SH3KBP1: variants seen among roughly 807,000 people sequenced by gnomAD.
SH3KBP1 encodes the protein SH3 domain containing kinase binding protein 1.
Under a neutral mutation model 50.1 loss-of-function variants are expected in SH3KBP1, and 8 were observed. The observed-to-expected ratio is 0.16, with a 90% CI of 0.09 to 0.29. SH3KBP1 has a LOEUF of 0.29. Ranked by LOEUF, SH3KBP1 falls within the 10% of genes least tolerant of loss-of-function variation. The probability of loss-of-function intolerance (pLI) is 1.00; values close to 1 mark genes in which losing one functional copy is unlikely to be tolerated. For missense variants in SH3KBP1, 377 were observed against 535.2 expected, an observed-to-expected ratio of 0.70 and a Z score of 2.92; for synonymous variants, 227 against 218.6, an observed-to-expected ratio of 1.04 and a Z score of -0.34.
At chrX:19,758,772 T>C (rs1320352979) in intron 2 of SH3KBP1, among the ~76,000 whole-genome samples, 1 of 111,383 alleles carries the variant, frequency 9.0e-6, no homozygotes, top group Admixed American at 9.5e-5. Context: ...ACAGCTTTGA[T>C]GATGAGTAAG....
chrX:19,692,624 CGTGTGTGTGTGTGT>C lies in SH3KBP1; in HGVS notation c.520+2974_520+2987del, dbSNP rs534431997. Among the ~76,000 whole-genome samples the C allele has an allele frequency of 3.1e-3, 214 of 68,677 alleles. 4 individuals are homozygous for C. Among genetic ancestry groups the C allele is most frequent in the Middle Eastern group, 0.016 (2 of 123 alleles). 59.6% of individuals were successfully genotyped at this position (68,677 alleles called of 115,157 possible). ...ATATACATATACACATATATACATACGTGTGTGTGTGTGTGTGTGTGTGTGTGTGTGTGTGTGTG... is the reference window on the plus strand; with the variant it reads ...ATATACATATACACATATATACATACGTGTGTGTGTGTGTGTGTGTGTGTG... On this transcript the variant is annotated intron_variant, in intron 5 of 17. Transcript: ENST00000397821.
intron 1 of SH3KBP1, among the ~76,000 whole-genome samples, chrX:19,855,315 A>T (rs1046473633): frequency 8.9e-6 from 1 of 112,084 alleles, no homozygotes; most frequent in East Asian, 2.8e-4. Context: ...TCAGATAGTA[A>T]GTATTTCAGC....
intron 2 of SH3KBP1, among the ~76,000 whole-genome samples, chrX:19,832,722 A>G (rs919606078): frequency 1.8e-5 from 2 of 111,395 alleles, no homozygotes; most frequent in Admixed American, 9.4e-5. Context: ...AGCCCATGGG[A>G]AGCCACAGGA....
At chrX:19,666,387 G>C (rs1228450588) in intron 6 of SH3KBP1, among the ~76,000 whole-genome samples, 1 of 110,901 alleles carries the variant, frequency 9.0e-6, no homozygotes, top group East Asian at 2.8e-4. Flanking sequence ...GCCAGTCCTG[G>C]TCACCATTAA....
intron 13 of SH3KBP1, among the ~76,000 whole-genome samples, chrX:19,563,461 A>C (rs5955817): frequency 0.29 from 32,560 of 111,076 alleles, 4,397 homozygotes; most frequent in African/African-American, 0.53. Context: ...CGCCTCTGTA[A>C]GTTCGAGGAA....
At position 19,860,460 on chromosome X, in the gene SH3KBP1, G is replaced by T. The variant is rs562212659; in HGVS notation, c.5-24178C>A. ...AGTACAAGTGTGATTACCAGGGACT[G>T]GGGGGAGGGGGAATGAAAAGTAACT... On this transcript the variant is annotated intron_variant, in intron 1 of 17. Coordinates refer to ENST00000397821, the MANE Select transcript of SH3KBP1 (RefSeq NM_031892.3). Among the ~76,000 whole-genome samples, 131 of 110,725 alleles carry T rather than the reference G, an allele frequency of 1.2e-3. 2 individuals carry two copies. The South Asian group carries it at 0.047, about 40-fold the overall frequency.
intron 2 of SH3KBP1, among the ~76,000 whole-genome samples, chrX:19,834,856 C>T (rs920835615): frequency 9.2e-6 from 1 of 109,139 alleles, no homozygotes; most frequent in South Asian, 3.9e-4. Flanking sequence ...ATGGTGAAAC[C>T]CCATCTCTAC....
At chrX:19,829,019 C>T (rs765032214) in intron 2 of SH3KBP1, among the ~76,000 whole-genome samples, 5 of 111,464 alleles carry the variant, frequency 4.5e-5, no homozygotes, top group Admixed American at 9.5e-5. Context: ...CACAACTTTA[C>T]ACAGAGAAAA....
intron 3 of SH3KBP1, among the ~76,000 whole-genome samples, chrX:19,713,985 C>T (rs2063841069): frequency 8.9e-6 from 1 of 112,097 alleles, no homozygotes; most frequent in African/African-American, 3.2e-5. Flanking sequence ...GGTACATATA[C>T]CCAATGGAAT....
intron 1 of SH3KBP1, among the ~76,000 whole-genome samples, chrX:19,885,391 G>C (rs1381835105): frequency 9.0e-6 from 1 of 111,714 alleles, no homozygotes; most frequent in African/African-American, 3.3e-5. Context: ...CATTCGTTTT[G>C]ACATTATCAC....
intron 12 of SH3KBP1, among the ~76,000 whole-genome samples, chrX:19,572,192 CAT>C (rs1399671740): frequency 9.0e-5 from 9 of 100,505 alleles, no homozygotes; most frequent in African/African-American, 1.3e-4. Flanking sequence ...ATATAAAGTA[CAT>C]ATATATGTTA....
At chrX:19,827,246 C>T (rs932817562) in intron 2 of SH3KBP1, among the ~76,000 whole-genome samples, 5 of 111,975 alleles carry the variant, frequency 4.5e-5, no homozygotes, top group Non-Finnish European at 9.4e-5. Flanking sequence ...ATTGGGCAGG[C>T]AGAGGGGAAA....
intron 12 of SH3KBP1, among the ~76,000 whole-genome samples, chrX:19,570,174 T>C (rs758215445): frequency 1.8e-5 from 2 of 111,870 alleles, no homozygotes; most frequent in Non-Finnish European, 3.8e-5. Flanking sequence ...GAATGGCTTG[T>C]GGTCTAAATG....
intron 3 of SH3KBP1, among the ~76,000 whole-genome samples, chrX:19,724,887 G>A (rs1420200285): frequency 9.0e-6 from 1 of 111,303 alleles, no homozygotes; most frequent in Non-Finnish European, 1.9e-5. Context: ...CCATGAGAGA[G>A]CACAGCACCC....
At chrX:19,764,014 C>CAAA (rs761696272) in intron 2 of SH3KBP1, among the ~76,000 whole-genome samples, 3 of 37,511 alleles carry the variant, frequency 8.0e-5, no homozygotes, top group African/African-American at 2.8e-4. Context: ...GACTCTGTCT[C>CAAA]AAAAAAAAAA....
intron 1 of SH3KBP1, among the ~76,000 whole-genome samples, chrX:19,845,427 G>A (rs770334537): frequency 3.8e-5 from 4 of 104,630 alleles, no homozygotes; most frequent in Admixed American, 1.0e-4. Flanking sequence ...GCAGTGAGCC[G>A]AGATCATGCC....
intron 3 of SH3KBP1, among the ~76,000 whole-genome samples, chrX:19,726,293 A>G (rs1227210479): frequency 9.0e-6 from 1 of 111,368 alleles, no homozygotes; most frequent in Non-Finnish European, 1.9e-5. Context: ...AACCCAAACT[A>G]CACCACTCAC....
At chrX:19,835,943 G>T (rs1340520889) in intron 2 of SH3KBP1, among the ~76,000 whole-genome samples, 182 bp downstream of exon 2, 1 of 110,937 alleles carries the variant, frequency 9.0e-6, no homozygotes, top group Admixed American at 9.6e-5. Flanking sequence ...CCTCAAAAAA[G>T]CAATTTCAAA....
intron 12 of SH3KBP1, among the ~76,000 whole-genome samples, chrX:19,583,586 T>G (rs1364838366): frequency 9.0e-6 from 1 of 110,650 alleles, no homozygotes; most frequent in Non-Finnish European, 1.9e-5. Context: ...TATTACTATC[T>G]GAGGAAGGGA....
Sources: allele counts gnomAD v4.1 joint callset (sites outside exome capture counted in the v4.1 genomes callset), GRCh38; gene constraint gnomAD v4.1.1; transcripts MANE v1.5; gene names NCBI Gene and HGNC (gene_info 2026-07-23, HGNC 2026-07-21).